Variants in SGCD observed in about 807,000 individuals in gnomAD.
The protein encoded by SGCD is sarcoglycan delta.
SGCD carries 18 observed loss-of-function variants against 36.6 expected under a neutral mutation model. That is an observed-to-expected ratio of 0.49 (90% CI 0.34 to 0.73). SGCD has a LOEUF of 0.73. SGCD is among the 30% of genes least tolerant of loss of function. SGCD has a pLI of 0.01. For missense variants in SGCD, 387 were observed against 346.7 expected, an observed-to-expected ratio of 1.12 and a Z score of -0.92; for synonymous variants, 133 against 130.6, an observed-to-expected ratio of 1.02 and a Z score of -0.12.
intron 8 of SGCD, chr5:156,758,075 A>G: frequency 5.7e-6 from 5 of 871,156 alleles, no homozygotes; most frequent in Non-Finnish European, 7.0e-6. Flanking sequence ...TTTACTTGTC[A>G]TTACTTTGTG....
At chr5:155,853,128 A>G in the SGCD span, among the ~76,000 whole-genome samples, 1 of 151,816 alleles carries the variant, frequency 6.6e-6, no homozygotes. Flanking sequence ...ATCCATTATT[A>G]TAATATAATG....
chr5:156,314,573 G>A (rs982899102), intron 3 of SGCD, among the ~76,000 whole-genome samples: 17 of 152,112 alleles, frequency 1.1e-4, no homozygotes, highest in African/African-American at 2.6e-4. Context: ...TATGCTAGGC[G>A]TTGGTGAACA....
intron 1 of SGCD, among the ~76,000 whole-genome samples, chr5:155,948,579 C>G (rs1240875329): frequency 2.0e-5 from 3 of 152,188 alleles, no homozygotes; most frequent in African/African-American, 7.2e-5. Context: ...CAGCTTGGTG[C>G]TCTCTTCTAC....
intron 7 of SGCD, among the ~76,000 whole-genome samples, chr5:156,707,035 G>A (rs1754772258): frequency 6.6e-6 from 1 of 152,100 alleles, no homozygotes; most frequent in African/African-American, 2.4e-5. Context: ...AAAGTGACAT[G>A]TATTCCAAAA....
At chr5:155,888,616 A>G (rs1032413381) in intron 1 of SGCD, among the ~76,000 whole-genome samples, 9 of 152,174 alleles carry the variant, frequency 5.9e-5, no homozygotes, top group Non-Finnish European at 1.3e-4. Flanking sequence ...ATCGAATGGT[A>G]ATAAACTGGG....
At chr5:156,106,176 GC>G (rs1342024410) in intron 1 of SGCD, among the ~76,000 whole-genome samples, 30 of 147,142 alleles carry the variant, frequency 2.0e-4, no homozygotes, top group Admixed American at 1.8e-3. Flanking sequence ...GTAATTATGC[GC>G]AGTGATCCAA....
intron 1 of SGCD, among the ~76,000 whole-genome samples, chr5:155,933,874 G>T (rs1032450992): frequency 2.6e-5 from 4 of 152,120 alleles, no homozygotes; most frequent in Non-Finnish European, 4.4e-5. Flanking sequence ...GTCAGTTAAG[G>T]CTTGTTGATT....
At chr5:155,935,108 T>C (rs1395541616) in intron 1 of SGCD, among the ~76,000 whole-genome samples, 1 of 152,228 alleles carries the variant, frequency 6.6e-6, no homozygotes, top group Admixed American at 6.5e-5. Context: ...TTTTGAATCC[T>C]CCTGGTTCCT....
intron 6 of SGCD, among the ~76,000 whole-genome samples, chr5:156,643,590 A>C (rs1024299665): frequency 1.3e-5 from 2 of 152,166 alleles, no homozygotes; most frequent in African/African-American, 4.8e-5. Context: ...CAAATGGAGA[A>C]ATAATACTAA....
At chr5:155,876,673 A>G (rs934084381) in intron 1 of SGCD, among the ~76,000 whole-genome samples, 3 of 152,076 alleles carry the variant, frequency 2.0e-5, no homozygotes, top group African/African-American at 7.2e-5. Context: ...CCATGCCCAA[A>G]TGCCCCTCTC....
chr5:156,156,185 A>G (rs1762957821), intron 3 of SGCD, among the ~76,000 whole-genome samples: 1 of 151,618 alleles, frequency 6.6e-6, no homozygotes. Flanking sequence ...CGACCCCTTC[A>G]TATTACGAAT....
intron 7 of SGCD, among the ~76,000 whole-genome samples, chr5:156,703,382 C>A (rs146986933): frequency 2.4e-3 from 323 of 137,384 alleles, no homozygotes; most frequent in African/African-American, 8.7e-3. Flanking sequence ...TTATTTATTT[C>A]TTTTTTTTTT....
chr5:156,759,567 A>AAT lies in SGCD; in HGVS notation c.*185_*186dup, dbSNP rs1757460665. 5.5e-6 allele frequency: 1 copy of AAT among 181,662 alleles called. No homozygotes were observed. Among genetic ancestry groups the AAT allele is most frequent in the South Asian group, 1.9e-4 (1 of 5,132 alleles). 11.3% of individuals were successfully genotyped at this position (181,662 alleles called of 1,614,324 possible). On this transcript the variant is annotated 3_prime_UTR_variant, in exon 9 of 9. Coordinates refer to ENST00000337851, the MANE Select transcript of SGCD (RefSeq NM_000337.6). Reference sequence around the variant, plus strand: ...GTGTGGGTGGATATAAATATATATAAATATATATAAATAAATATATATATC... The same window carrying AAT: ...GTGTGGGTGGATATAAATATATATAAATATATATATAAATAAATATATATATC...
chr5:155,985,768 T>C (rs1036621844), intron 1 of SGCD, among the ~76,000 whole-genome samples: 1 of 152,200 alleles, frequency 6.6e-6, no homozygotes, highest in African/African-American at 2.4e-5. Flanking sequence ...GCACTCTCAC[T>C]CCATTACCTT....
chr5:156,572,420 G>GTT (rs1000501125), intron 4 of SGCD, among the ~76,000 whole-genome samples: 2 of 151,682 alleles, frequency 1.3e-5, no homozygotes, highest in Admixed American at 6.6e-5. Flanking sequence ...GTTATTTTCT[G>GTT]TTTTTTTTCT....
intron 4 of SGCD, among the ~76,000 whole-genome samples, chr5:156,513,943 T>A (rs1047184531): frequency 2.0e-5 from 3 of 152,146 alleles, no homozygotes; most frequent in Non-Finnish European, 4.4e-5. Flanking sequence ...AACCATGACA[T>A]CCAAAGGCAG....
At chr5:155,747,284 G>A in the SGCD span, among the ~76,000 whole-genome samples, 1 of 152,190 alleles carries the variant, frequency 6.6e-6, no homozygotes, top group Admixed American at 6.5e-5. Context: ...AGTAAGTGGG[G>A]TTCAGGGATG....
chr5:156,634,458 GCAACAACAA>G (rs369295537), intron 6 of SGCD, among the ~76,000 whole-genome samples: 7 of 151,930 alleles, frequency 4.6e-5, no homozygotes, highest in Middle Eastern at 3.4e-3. Flanking sequence ...AAGGAAAACA[GCAACAACAA>G]CAACAACAAC....
intron 7 of SGCD, among the ~76,000 whole-genome samples, chr5:156,754,891 C>T (rs183050611): frequency 1.3e-5 from 2 of 152,208 alleles, no homozygotes; most frequent in Admixed American, 6.5e-5. Flanking sequence ...GTTCAGATCT[C>T]TTCTAAGGAA....
Sources: gnomAD v4.1 joint callset for allele counts (sites outside exome capture counted in the v4.1 genomes callset) on GRCh38, gnomAD v4.1.1 for gene constraint, MANE v1.5 for transcripts, NCBI Gene and HGNC (gene_info 2026-07-23, HGNC 2026-07-21) for gene names.